FRMPD4: variants seen among roughly 807,000 people sequenced by gnomAD.
FRMPD4 encodes the protein FERM and PDZ domain containing 4, also known as FERM and PDZ domain-containing protein 4.
A neutral mutation model predicts 94.1 loss-of-function variants in FRMPD4; 22 were observed. That is an observed-to-expected ratio of 0.23 (90% CI 0.17 to 0.33). FRMPD4 has a LOEUF of 0.33. Among genes scored for constraint, FRMPD4 ranks in the 10% least tolerant of loss-of-function variants. The pLI is 1.00. For synonymous variants in FRMPD4, 631 were observed against 548.6 expected (o/e 1.15, Z -2.10); for missense variants, 1,111 against 1,339.9 (o/e 0.83, Z 2.67).
intron 1 of FRMPD4, among the ~76,000 whole-genome samples, chrX:12,162,555 T>C (rs1050428758): frequency 3.0e-4 from 34 of 112,096 alleles, no homozygotes; most frequent in African/African-American, 1.1e-3. Context: ...TTGCTTCCTG[T>C]TTATCATTTT....
chrX:12,594,785 G>A (rs1421662751), intron 2 of FRMPD4, among the ~76,000 whole-genome samples: 1 of 111,485 alleles, frequency 9.0e-6, no homozygotes, highest in African/African-American at 3.3e-5. Context: ...GATTTGAATT[G>A]CCCTCATGCT....
At chrX:12,162,143 T>C (rs1331428279) in intron 1 of FRMPD4, among the ~76,000 whole-genome samples, 1 of 112,589 alleles carries the variant, frequency 8.9e-6, no homozygotes, top group East Asian at 2.8e-4. Flanking sequence ...TAATATTGAA[T>C]TGCAGGTAAA....
At chrX:12,081,950 T>C (rs2055065603) in intron 3 of FRMPD4, among the ~76,000 whole-genome samples, 1 of 112,355 alleles carries the variant, frequency 8.9e-6, no homozygotes, top group Non-Finnish European at 1.9e-5. Flanking sequence ...ACAATATTTT[T>C]AGTTTTCTTT....
intron 1 of FRMPD4, among the ~76,000 whole-genome samples, chrX:12,486,070 G>C (rs1310050421): frequency 1.8e-5 from 2 of 111,470 alleles, no homozygotes; most frequent in Non-Finnish European, 3.8e-5. Flanking sequence ...GTAATGAATG[G>C]GTACCAACTT....
chrX:12,660,821 G>A (rs1430711455), intron 4 of FRMPD4, among the ~76,000 whole-genome samples: 1 of 111,848 alleles, frequency 8.9e-6, no homozygotes, highest in Non-Finnish European at 1.9e-5. Context: ...TGGCAGCTGC[G>A]GCTGGAGCCA....
At position 12,655,899 on chromosome X, in the gene FRMPD4, G is replaced by C. The variant is rs774562746; in HGVS notation, c.423-18964G>C. Among the ~76,000 whole-genome samples, 14 of 112,153 alleles carry C rather than the reference G, an allele frequency of 1.2e-4. No homozygotes were observed. In the South Asian group the frequency reaches 4.5e-3, roughly 36 times the overall value. On this transcript the variant is annotated intron_variant, in intron 4 of 16. Coordinates refer to ENST00000675598, the MANE Select transcript of FRMPD4 (RefSeq NM_001368397.1). ...TGGGAGTCCCAATAATTTTCATACAGTTTGTGCTACTTAGTTTGAGTGAGT... is the reference window on the plus strand; with the variant it reads ...TGGGAGTCCCAATAATTTTCATACACTTTGTGCTACTTAGTTTGAGTGAGT...
chrX:12,029,898 C>T (rs1254447099), intron 3 of FRMPD4, among the ~76,000 whole-genome samples: 1 of 111,485 alleles, frequency 9.0e-6, no homozygotes, highest in Non-Finnish European at 1.9e-5. Context: ...TTACATAGGG[C>T]ATATATACCA....
At chrX:12,416,949 G>A (rs1003375497) in intron 1 of FRMPD4, among the ~76,000 whole-genome samples, 11 of 111,321 alleles carry the variant, frequency 9.9e-5, no homozygotes, top group Admixed American at 8.5e-4. Context: ...TCTTTCCTTA[G>A]TCATCCAGAG....
At chrX:12,718,902 T>C in intron 16 of FRMPD4, 112 bp downstream of exon 16, 1 of 499,378 alleles carries the variant, frequency 2.0e-6, no homozygotes, top group Non-Finnish European at 3.5e-6. Context: ...GGTAGAATTT[T>C]AAAAGGCCAC....
intron 2 of FRMPD4, among the ~76,000 whole-genome samples, chrX:12,548,758 G>A (rs2058504016): frequency 8.9e-6 from 1 of 112,073 alleles, no homozygotes; most frequent in Non-Finnish European, 1.9e-5. Context: ...ACAAGGTTAG[G>A]TCTTATCTAG....
At chrX:12,239,136 AC>A (rs1272355557) in intron 1 of FRMPD4, among the ~76,000 whole-genome samples, 1 of 112,367 alleles carries the variant, frequency 8.9e-6, no homozygotes, top group African/African-American at 3.2e-5. Flanking sequence ...GACAAGTACC[AC>A]TTTTGTTCTC....
intron 3 of FRMPD4, among the ~76,000 whole-genome samples, chrX:12,069,927 C>T (rs183313558): frequency 1.8e-5 from 2 of 111,621 alleles, no homozygotes; most frequent in Non-Finnish European, 3.8e-5. Context: ...GGAGAAAAAA[C>T]GACCTGATGG....
At chrX:12,425,625 C>A (rs746214900) in intron 1 of FRMPD4, among the ~76,000 whole-genome samples, 155 of 111,682 alleles carry the variant, frequency 1.4e-3, no homozygotes, top group Non-Finnish European at 2.4e-3. Context: ...GTTGTCACAG[C>A]TGAGGGTGGG....
At chrX:11,950,526 G>A (rs894957643) in intron 3 of FRMPD4, among the ~76,000 whole-genome samples, 17 of 111,384 alleles carry the variant, frequency 1.5e-4, no homozygotes, top group East Asian at 8.4e-4. Flanking sequence ...TTCATTCTAC[G>A]TAACTGAAAC....
At chrX:12,694,552 G>A in intron 9 of FRMPD4, 98 bp downstream of exon 9, 1 of 595,230 alleles carries the variant, frequency 1.7e-6, no homozygotes, top group Non-Finnish European at 2.7e-6. Flanking sequence ...TTTCTTTTTT[G>A]TCCCCCACCT....
At chrX:12,281,242 T>C (rs778470392) in intron 1 of FRMPD4, among the ~76,000 whole-genome samples, 1 of 112,198 alleles carries the variant, frequency 8.9e-6, no homozygotes, top group Non-Finnish European at 1.9e-5. Flanking sequence ...ACCACCTTCT[T>C]TCTTTTGGAA....
At chrX:12,354,759 A>G (rs1019431148) in intron 1 of FRMPD4, among the ~76,000 whole-genome samples, 1 of 112,231 alleles carries the variant, frequency 8.9e-6, no homozygotes, top group East Asian at 2.8e-4. Flanking sequence ...ATTAATATAA[A>G]TCATTCTGTT....
intron 2 of FRMPD4, among the ~76,000 whole-genome samples, chrX:12,565,311 C>T (rs1231588952): frequency 9.0e-6 from 1 of 111,060 alleles, no homozygotes; most frequent in Non-Finnish European, 1.9e-5. Context: ...TACTTGATTC[C>T]AAACAGTAGA....
chrX:12,061,983 A>G (rs2054889531), intron 3 of FRMPD4, among the ~76,000 whole-genome samples: 1 of 112,105 alleles, frequency 8.9e-6, no homozygotes, highest in Non-Finnish European at 1.9e-5. Flanking sequence ...CATTTAGAAG[A>G]CACAAATAAA....
Sources: gnomAD v4.1 joint callset for allele counts (sites outside exome capture counted in the v4.1 genomes callset) on GRCh38, gnomAD v4.1.1 for gene constraint, MANE v1.5 for transcripts, NCBI Gene and HGNC (gene_info 2026-07-23, HGNC 2026-07-21) for gene names.